The following MACROD2 variants were observed in gnomAD, a reference collection of about 807,000 sequenced individuals.
MACROD2 encodes the protein ADP-ribose glycohydrolase MACROD2.
MACROD2 carries 36 observed loss-of-function variants against 70.4 expected under a neutral mutation model. That is an observed-to-expected ratio of 0.51 (90% confidence interval 0.39 to 0.68). MACROD2 has a LOEUF of 0.68. Ranked by LOEUF, MACROD2 falls within the 30% of genes least tolerant of loss-of-function variation. MACROD2 has a pLI of 0.00. For synonymous variants in MACROD2, 172 were observed against 178.8 expected, an observed-to-expected ratio of 0.96 and a Z score of 0.30; for missense variants, 496 against 538.4, an observed-to-expected ratio of 0.92 and a Z score of 0.78.
intron 4 of MACROD2, among the ~76,000 whole-genome samples, chr20:14,538,995 A>G (rs1339490532): frequency 2.6e-5 from 4 of 152,208 alleles, no homozygotes; most frequent in Non-Finnish European, 4.4e-5. Context: ...ACTTCCTGGC[A>G]CATAATGAGC....
At chr20:15,320,006 CGAG>C (rs2146169314) in intron 6 of MACROD2, among the ~76,000 whole-genome samples, 1 of 152,140 alleles carries the variant, frequency 6.6e-6, no homozygotes, top group South Asian at 2.1e-4. Context: ...GTCAGGAGTT[CGAG>C]ACCAGCCTGG....
chr20:16,046,477 T>A (rs2067382976), intron 17 of MACROD2, among the ~76,000 whole-genome samples: 1 of 152,048 alleles, frequency 6.6e-6, no homozygotes, highest in South Asian at 2.1e-4. Flanking sequence ...TTTCCTTTCC[T>A]TTTACCCTTT....
intron 5 of MACROD2, among the ~76,000 whole-genome samples, chr20:15,031,837 G>C (rs1476111311): frequency 6.6e-6 from 1 of 152,152 alleles, no homozygotes; most frequent in Non-Finnish European, 1.5e-5. Context: ...GCTTCAGGCT[G>C]TCCCTGGCTT....
At chr20:14,345,331 G>C (rs2083052790) in intron 3 of MACROD2, among the ~76,000 whole-genome samples, 1 of 152,092 alleles carries the variant, frequency 6.6e-6, no homozygotes, top group Non-Finnish European at 1.5e-5. Context: ...AGAAGTTAGA[G>C]ACAATTATAT....
chr20:14,168,287 T>C (rs1463111392), intron 3 of MACROD2, among the ~76,000 whole-genome samples: 1 of 152,204 alleles, frequency 6.6e-6, no homozygotes, highest in Non-Finnish European at 1.5e-5. Context: ...CATAGAGATA[T>C]TATTGTCAAT....
At chr20:15,544,208 T>C (rs1480598308) in intron 8 of MACROD2, among the ~76,000 whole-genome samples, 3 of 152,232 alleles carry the variant, frequency 2.0e-5, no homozygotes, top group Admixed American at 1.3e-4. Context: ...ATTGATTCTT[T>C]GCCTGGAGTC....
intron 5 of MACROD2, among the ~76,000 whole-genome samples, chr20:14,854,914 G>T (rs750154802): frequency 3.1e-4 from 47 of 152,104 alleles, no homozygotes; most frequent in Non-Finnish European, 4.1e-4. Flanking sequence ...TACTCGGGAG[G>T]CTGAGGCAGG....
chr20:14,990,624 C>T (rs1307174676), intron 5 of MACROD2, among the ~76,000 whole-genome samples: 2 of 151,600 alleles, frequency 1.3e-5, no homozygotes, highest in Non-Finnish European at 2.9e-5. Flanking sequence ...AGCAATTCTC[C>T]TGCCTCAGCC....
rs576656390 is a variant in MACROD2, at chr20:15,137,671, G to T, written c.419-92269G>T. ...ACATGTATACATATGTAACTAACCT[G>T]CACTTTGTGCACATGTACCCTAAAA... On this transcript the variant is annotated intron_variant, in intron 5 of 17. Coordinates refer to ENST00000684519, the MANE Select transcript of MACROD2 (RefSeq NM_001351661.2). Among the ~76,000 whole-genome samples, 4 of 151,260 alleles carry T rather than the reference G, an allele frequency of 2.6e-5. No homozygotes were observed. The South Asian group carries it at 6.3e-4, about 24-fold the overall frequency.
intron 2 of MACROD2, among the ~76,000 whole-genome samples, chr20:14,055,528 C>CAT (rs1264428342): frequency 7.3e-6 from 1 of 137,594 alleles, no homozygotes; most frequent in Non-Finnish European, 1.6e-5. Flanking sequence ...AAAAAAAATA[C>CAT]ATATATATAC....
intron 8 of MACROD2, among the ~76,000 whole-genome samples, chr20:15,680,258 G>A (rs1483993843): frequency 6.6e-6 from 1 of 152,200 alleles, no homozygotes; most frequent in Non-Finnish European, 1.5e-5. Context: ...AGAGCAAAGA[G>A]TTCTCTACAT....
intron 4 of MACROD2, among the ~76,000 whole-genome samples, chr20:14,559,041 C>G (rs1472400116): frequency 6.6e-6 from 1 of 151,590 alleles, no homozygotes; most frequent in Non-Finnish European, 1.5e-5. Flanking sequence ...TTCTTGATAC[C>G]ATATTTGTTC....
intron 3 of MACROD2, among the ~76,000 whole-genome samples, chr20:14,489,931 G>A (rs1600296410): frequency 6.6e-6 from 1 of 151,438 alleles, no homozygotes; most frequent in Admixed American, 6.6e-5. Flanking sequence ...CACAATCTCG[G>A]CTCACTGCCA....
intron 6 of MACROD2, among the ~76,000 whole-genome samples, chr20:15,244,833 C>T (rs575412589): frequency 2.6e-5 from 4 of 152,208 alleles, no homozygotes; most frequent in African/African-American, 7.2e-5. Context: ...TCTGCATTAC[C>T]TAAAATTTAA....
chr20:15,523,991 A>G (rs534139477), intron 8 of MACROD2, among the ~76,000 whole-genome samples: 2 of 152,200 alleles, frequency 1.3e-5, no homozygotes, highest in East Asian at 1.9e-4. Context: ...AAGTTCCATG[A>G]TCAAGGTAGT....
chr20:14,484,618 C>A (rs565275255), intron 3 of MACROD2, among the ~76,000 whole-genome samples: 48 of 151,930 alleles, frequency 3.2e-4, no homozygotes, highest in Middle Eastern at 6.8e-3. Flanking sequence ...TGGTAACCAC[C>A]CTTCTTTTCT....
At chr20:15,513,685 G>A (rs2047530902) in intron 8 of MACROD2, among the ~76,000 whole-genome samples, 1 of 152,110 alleles carries the variant, frequency 6.6e-6, no homozygotes, top group Admixed American at 6.5e-5. Context: ...TCATTTTGAG[G>A]ATTTAAAATA....
chr20:14,379,502 C>T (rs1327039141), intron 3 of MACROD2, among the ~76,000 whole-genome samples: 3 of 152,098 alleles, frequency 2.0e-5, no homozygotes, highest in Non-Finnish European at 4.4e-5. Flanking sequence ...GTATGCAATT[C>T]AGTGACAATA....
intron 10 of MACROD2, among the ~76,000 whole-genome samples, chr20:15,920,916 C>A (rs2065394642): frequency 6.6e-6 from 1 of 152,332 alleles, no homozygotes; most frequent in South Asian, 2.1e-4. Context: ...CTCCGTCCAA[C>A]CACTCACCAA....
Sources: gnomAD v4.1 joint callset for allele counts (sites outside exome capture counted in the v4.1 genomes callset) on GRCh38, gnomAD v4.1.1 for gene constraint, MANE v1.5 for transcripts, NCBI Gene and HGNC (gene_info 2026-07-23, HGNC 2026-07-21) for gene names.